SLC35D4: variants seen among roughly 807,000 people sequenced by gnomAD.
SLC35D4 encodes solute carrier family 35 member D4, also known as UDP-N-acetylglucosamine transporter SLC35D4.
At chr18:23,243,868 G>A in the SLC35D4 span, among the ~76,000 whole-genome samples, 10 of 89,044 alleles carry the variant, frequency 1.1e-4, no homozygotes, top group Middle Eastern at 0.013. Context: ...CCAAGACTCC[G>A]TTTCAAAAAA....
chr18:23,311,838 C>T, the SLC35D4 span, among the ~76,000 whole-genome samples: 1 of 152,074 alleles, frequency 6.6e-6, no homozygotes, highest in Non-Finnish European at 1.5e-5. Context: ...TCCCCCCACC[C>T]CCTTCATTAG....
chr18:23,324,254 C>T, the SLC35D4 span, among the ~76,000 whole-genome samples: 1 of 152,162 alleles, frequency 6.6e-6, no homozygotes, highest in South Asian at 2.1e-4. Context: ...GACACCCACC[C>T]TGCTGGCACC....
the SLC35D4 span, among the ~76,000 whole-genome samples, chr18:23,397,110 G>GTT: frequency 4.6e-5 from 7 of 152,168 alleles, no homozygotes; most frequent in South Asian, 2.1e-4. Flanking sequence ...GGCGGGGGGA[G>GTT]GGTAAAGCAC....
the SLC35D4 span, among the ~76,000 whole-genome samples, chr18:23,240,764 A>G: frequency 0.36 from 54,997 of 152,112 alleles, 10,296 homozygotes; most frequent in Admixed American, 0.49. Flanking sequence ...AGAGGCGCCC[A>G]CCTGAAATCC....
chr18:23,245,721 G>C, the SLC35D4 span, among the ~76,000 whole-genome samples: 11 of 152,236 alleles, frequency 7.2e-5, no homozygotes, highest in Non-Finnish European at 1.6e-4. Flanking sequence ...TGTGGACAGT[G>C]CCTTCCATCT....
At chr18:23,292,297 G>A in the SLC35D4 span, among the ~76,000 whole-genome samples, 2 of 152,196 alleles carry the variant, frequency 1.3e-5, no homozygotes, top group Non-Finnish European at 2.9e-5. Context: ...AACCAAGCTT[G>A]AGAACCAACA....
chr18:23,350,375 G>A, the SLC35D4 span, among the ~76,000 whole-genome samples: 2 of 152,172 alleles, frequency 1.3e-5, no homozygotes, highest in East Asian at 3.8e-4. Flanking sequence ...GCTTCTCCCT[G>A]CTCCTGACTC....
chr18:23,409,526 C>G, the SLC35D4 span, among the ~76,000 whole-genome samples: 2 of 152,158 alleles, frequency 1.3e-5, no homozygotes, highest in African/African-American at 4.8e-5. Context: ...TCCATCAATT[C>G]AATCAATTAC....
At chr18:23,282,926 A>C in the SLC35D4 span, among the ~76,000 whole-genome samples, 1 of 152,078 alleles carries the variant, frequency 6.6e-6, no homozygotes, top group Non-Finnish European at 1.5e-5. Flanking sequence ...TAAATCAAAA[A>C]TAACATCCTA....
chr18:23,387,755 A>T, the SLC35D4 span, among the ~76,000 whole-genome samples: 1 of 152,106 alleles, frequency 6.6e-6, no homozygotes, highest in Admixed American at 6.5e-5. Context: ...TTCTATTTTT[A>T]TCTTTCATTA....
At chr18:23,395,753 G>T in the SLC35D4 span, among the ~76,000 whole-genome samples, 1 of 152,196 alleles carries the variant, frequency 6.6e-6, no homozygotes, top group Non-Finnish European at 1.5e-5. Context: ...AGCCATCAAA[G>T]TCATACTGTC....
At chr18:23,254,818 G>T in the SLC35D4 span, among the ~76,000 whole-genome samples, 4 of 152,140 alleles carry the variant, frequency 2.6e-5, no homozygotes, top group Non-Finnish European at 5.9e-5. Flanking sequence ...CACTCCCAAA[G>T]GCCCCATCTC....
At chr18:23,418,869 A>G in the SLC35D4 span, among the ~76,000 whole-genome samples, 43,218 of 151,564 alleles carry the variant, frequency 0.29, 7,063 homozygotes, top group Non-Finnish European at 0.37. Flanking sequence ...TTAGCTGGGC[A>G]TGGTGGCACG....
chr18:23,365,867 T>C, the SLC35D4 span, among the ~76,000 whole-genome samples: 1 of 152,230 alleles, frequency 6.6e-6, no homozygotes, highest in Non-Finnish European at 1.5e-5. Flanking sequence ...AGATTGCCTC[T>C]TGGGACAGGC....
the SLC35D4 span, among the ~76,000 whole-genome samples, chr18:23,357,206 T>G: frequency 2.0e-4 from 30 of 152,342 alleles, no homozygotes; most frequent in African/African-American, 6.7e-4. Context: ...CATTTTTTTT[T>G]TCATTTTTAT....
the SLC35D4 span, among the ~76,000 whole-genome samples, chr18:23,307,827 C>CT: frequency 6.6e-6 from 1 of 152,200 alleles, no homozygotes; most frequent in Non-Finnish European, 1.5e-5. Flanking sequence ...TCCTGGGACT[C>CT]TGAGTCCCCA....
the SLC35D4 span, among the ~76,000 whole-genome samples, chr18:23,295,216 G>A: frequency 6.6e-6 from 1 of 151,470 alleles, no homozygotes; most frequent in Non-Finnish European, 1.5e-5. Flanking sequence ...GCCTGTCGGG[G>A]GGTGGGGAGG....
the SLC35D4 span, among the ~76,000 whole-genome samples, chr18:23,377,406 C>T: frequency 6.6e-6 from 1 of 152,192 alleles, no homozygotes; most frequent in Non-Finnish European, 1.5e-5. Flanking sequence ...TTTTGGGCAT[C>T]AATGACTGAA....
At chr18:23,296,736 T>G in the SLC35D4 span, 31 of 151,728 alleles carry the variant, frequency 2.0e-4, no homozygotes, top group Admixed American at 1.9e-3. Flanking sequence ...AATATAAATG[T>G]GTATGTGTGT....
Sources: allele counts gnomAD v4.1 joint callset (sites outside exome capture counted in the v4.1 genomes callset), GRCh38; gene constraint gnomAD v4.1.1; transcripts MANE v1.5; gene names NCBI Gene and HGNC (gene_info 2026-07-23, HGNC 2026-07-21).